DCC: variants seen among roughly 807,000 people sequenced by gnomAD.
The protein encoded by DCC is netrin receptor DCC.
Under a neutral mutation model 172.5 loss-of-function variants are expected in DCC, and 58 were observed. The observed-to-expected ratio is 0.34, with a 90% CI of 0.27 to 0.42. The LOEUF (loss-of-function observed/expected upper bound fraction) is 0.42, where lower values mean the gene tolerates loss of function less well. Among genes scored for constraint, DCC ranks in the 10% least tolerant of loss-of-function variants. The pLI, the probability that DCC is intolerant of heterozygous loss-of-function variation, is 1.00. For synonymous variants in DCC, 709 were observed against 644.5 expected (o/e 1.10, Z -1.52); for missense variants, 1,740 against 1,791.0 (o/e 0.97, Z 0.51).
At chr18:53,441,417 A>C (rs1568134265) in intron 22 of DCC, among the ~76,000 whole-genome samples, 1 of 152,092 alleles carries the variant, frequency 6.6e-6, no homozygotes, top group Non-Finnish European at 1.5e-5. Flanking sequence ...TCCCAAATGT[A>C]TATCATTAAT....
chr18:53,154,885 A>C (rs1476187863), intron 7 of DCC, among the ~76,000 whole-genome samples: 1 of 152,072 alleles, frequency 6.6e-6, no homozygotes, highest in Non-Finnish European at 1.5e-5. Context: ...TTTTGTCAAG[A>C]AGCTTAATAT....
chr18:52,385,377 G>A (rs1349108614), intron 1 of DCC, among the ~76,000 whole-genome samples: 2 of 151,630 alleles, frequency 1.3e-5, no homozygotes, highest in Non-Finnish European at 2.9e-5. Context: ...CAGGTTTTAA[G>A]CAATTCTCCT....
chr18:52,528,985 C>G (rs773161124), intron 1 of DCC, among the ~76,000 whole-genome samples: 1 of 152,074 alleles, frequency 6.6e-6, no homozygotes, highest in Non-Finnish European at 1.5e-5. Flanking sequence ...GTATGACCCC[C>G]TAGTGCCAAT....
intron 7 of DCC, among the ~76,000 whole-genome samples, chr18:53,116,129 A>G (rs935927451): frequency 6.6e-6 from 1 of 151,832 alleles, no homozygotes; most frequent in South Asian, 2.1e-4. Context: ...GCAACACATG[A>G]TGTTAATGGT....
intron 5 of DCC, among the ~76,000 whole-genome samples, chr18:53,011,234 C>G (rs1160965237): frequency 6.6e-6 from 1 of 151,446 alleles, no homozygotes; most frequent in African/African-American, 2.4e-5. Flanking sequence ...CTAATATACT[C>G]AAAGATATCT....
chr18:53,260,398 T>C (rs2056580971), intron 12 of DCC, among the ~76,000 whole-genome samples: 1 of 152,220 alleles, frequency 6.6e-6, no homozygotes, highest in Non-Finnish European at 1.5e-5. Context: ...ATGTCCTTTC[T>C]GTTTGTTAAT....
intron 7 of DCC, among the ~76,000 whole-genome samples, chr18:53,136,027 A>C (rs2043735400): frequency 6.6e-6 from 1 of 152,152 alleles, no homozygotes; most frequent in South Asian, 2.1e-4. Flanking sequence ...ACATGTAAGT[A>C]GTCATTATAA....
chr18:52,413,451 T>C (rs1986910088), intron 1 of DCC, among the ~76,000 whole-genome samples: 1 of 151,982 alleles, frequency 6.6e-6, no homozygotes, highest in South Asian at 2.1e-4. Flanking sequence ...TATCTTTCTA[T>C]GTATCTGTCA....
At chr18:52,743,073 A>T (rs1453905607) in intron 1 of DCC, among the ~76,000 whole-genome samples, 1 of 152,180 alleles carries the variant, frequency 6.6e-6, no homozygotes, top group African/African-American at 2.4e-5. Context: ...GGGTAACTTG[A>T]TAAGAGATTT....
chr18:53,530,810 A>G lies in DCC; in HGVS notation c.*157A>G. ...AAGATCCTGAAGCAGTTCAGAAGGA[A>G]TAAGCATTCCTTCTTTCACAGGCAT... On this transcript the variant is annotated 3_prime_UTR_variant, in exon 29 of 29. Transcript: ENST00000442544. 1.4e-6 allele frequency: 1 copy of G among 691,334 alleles called. No homozygotes were observed. The highest frequency in any genetic ancestry group is 2.7e-6 in the Non-Finnish European group (1 of 375,244). The allele number at this position is 691,334 out of a possible 1,614,324, so 42.8% of individuals were successfully genotyped here. A position where few individuals can be genotyped will look rare whatever the true frequency, so the allele number is the denominator to read the frequency against.
Position 52,828,679 on chromosome 18 carries a change from C to A in DCC, c.412+76305C>A, listed in dbSNP as rs2038556703. ...CTGAAACTATATGGTATGAAAAACT[C>A]ACCTCAGAGGAGTTATAATTATTTA... On this transcript the variant is annotated intron_variant, in intron 2 of 28. Coordinates refer to ENST00000442544, the MANE Select transcript of DCC (RefSeq NM_005215.4). Among the ~76,000 whole-genome samples the A allele has an allele frequency of 2.6e-5, 4 of 152,140 alleles. No homozygotes were observed. The South Asian group carries it at 8.3e-4, about 31-fold the overall frequency.
intron 1 of DCC, among the ~76,000 whole-genome samples, chr18:52,565,486 A>T (rs1284951044): frequency 6.6e-6 from 1 of 152,108 alleles, no homozygotes; most frequent in Non-Finnish European, 1.5e-5. Context: ...ATTTCTCCAC[A>T]TCCTCTCCAG....
At chr18:52,921,085 A>G (rs2040117212) in intron 3 of DCC, among the ~76,000 whole-genome samples, 1 of 152,164 alleles carries the variant, frequency 6.6e-6, no homozygotes, top group Admixed American at 6.6e-5. Context: ...ATTATTCCAA[A>G]TGATATGGTA....
chr18:52,878,882 T>A (rs1406664318), intron 2 of DCC, among the ~76,000 whole-genome samples: 1 of 152,184 alleles, frequency 6.6e-6, no homozygotes, highest in Non-Finnish European at 1.5e-5. Context: ...GTAGAATAAT[T>A]TTGAAGGGAC....
intron 1 of DCC, among the ~76,000 whole-genome samples, chr18:52,703,538 ACAAAT>A (rs147175133): frequency 0.035 from 5,360 of 152,090 alleles, 143 homozygotes; most frequent in East Asian, 0.089. Context: ...GAGACTCTAT[ACAAAT>A]CAAGGCAAGG....
chr18:53,249,921 T>G (rs1078459), intron 12 of DCC, among the ~76,000 whole-genome samples: 65,610 of 151,696 alleles, frequency 0.43, 14,685 homozygotes, highest in East Asian at 0.62. Context: ...ATTTTTACAG[T>G]CATAAAATCA....
chr18:53,467,423 G>T (rs1011436179), intron 24 of DCC, among the ~76,000 whole-genome samples: 8 of 152,034 alleles, frequency 5.3e-5, no homozygotes, highest in African/African-American at 1.9e-4. Flanking sequence ...TTTCTTGTGG[G>T]TTTTTTGTAA....
chr18:53,045,955 G>A (rs562130253), intron 5 of DCC, among the ~76,000 whole-genome samples: 1 of 151,956 alleles, frequency 6.6e-6, no homozygotes, highest in African/African-American at 2.4e-5. Context: ...CTCATGTGGT[G>A]AGATTTTATG....
At chr18:52,494,263 GAT>G (rs1491386330) in intron 1 of DCC, among the ~76,000 whole-genome samples, 1 of 61,614 alleles carries the variant, frequency 1.6e-5, no homozygotes, top group Admixed American at 1.9e-4. Flanking sequence ...TATGGTTTGT[GAT>G]GTGTGTGTGT....
Sources: allele counts gnomAD v4.1 joint callset (sites outside exome capture counted in the v4.1 genomes callset), GRCh38; gene constraint gnomAD v4.1.1; transcripts MANE v1.5; gene names NCBI Gene and HGNC (gene_info 2026-07-23, HGNC 2026-07-21).